The following EPHB4 variants were observed in gnomAD, a reference collection of about 807,000 sequenced individuals.
EPHB4 encodes ephrin type-B receptor 4.
EPHB4 carries 50 observed loss-of-function variants against 110.6 expected under a neutral mutation model. That is an observed-to-expected ratio of 0.45 (90% CI 0.36 to 0.57). The LOEUF is 0.57. Ranked by LOEUF, EPHB4 falls within the 20% of genes least tolerant of loss-of-function variation. The pLI is 0.00. For missense variants in EPHB4, 1,128 were observed against 1,382.1 expected, an observed-to-expected ratio of 0.82 and a Z score of 2.91; for synonymous variants, 592 against 578.4, an observed-to-expected ratio of 1.02 and a Z score of -0.34.
At chr7:100,824,013 G>C (rs1813310433) in intron 2 of EPHB4, 82 bp from the exon 3 acceptor site, 1 of 1,512,152 alleles carries the variant, frequency 6.6e-7, no homozygotes, top group Non-Finnish European at 8.9e-7. Context: ...TAAAGTGAGA[G>C]GGACTGAGAA....
intron 7 of EPHB4, among the ~76,000 whole-genome samples, chr7:100,818,146 C>T (rs920367829): frequency 2.0e-5 from 3 of 152,052 alleles, no homozygotes; most frequent in South Asian, 2.1e-4. Context: ...GGATTACAGG[C>T]GTAAGCTACC....
chr7:100,817,492 G>T, intron 7 of EPHB4, 135 bp from the exon 8 acceptor site: 1 of 937,502 alleles, frequency 1.1e-6, no homozygotes, highest in Non-Finnish European at 1.5e-6. Context: ...GAGAACTTAC[G>T]CATGCAAGCC....
At chr7:100,820,379 C>A in intron 4 of EPHB4, 83 bp from the exon 5 acceptor site, 1 of 1,490,384 alleles carries the variant, frequency 6.7e-7, no homozygotes, top group Non-Finnish European at 8.9e-7. Context: ...GCCTCGAATC[C>A]CAGCACTTTG....
At chr7:100,817,037 G>A (rs1016058604) in intron 8 of EPHB4, among the ~76,000 whole-genome samples, 155 bp downstream of exon 8, 1 of 149,792 alleles carries the variant, frequency 6.7e-6, no homozygotes, top group African/African-American at 2.5e-5. Context: ...GAGCGGAGAT[G>A]GTGCCACTGC....
At chr7:100,826,327 A>G (rs1813395185) in intron 1 of EPHB4, among the ~76,000 whole-genome samples, 1 of 152,210 alleles carries the variant, frequency 6.6e-6, no homozygotes, top group Non-Finnish European at 1.5e-5. Flanking sequence ...CTAGGTCTCA[A>G]GGGAAGCCCG....
chr7:100,820,193 G>A lies in EPHB4; in HGVS notation c.912C>T (p.Cys304=). 2 of 1,614,106 alleles carry A rather than the reference G, an allele frequency of 1.2e-6. No homozygotes were observed. Among genetic ancestry groups the A allele is most frequent in the Non-Finnish European group, 1.7e-6 (2 of 1,180,024 alleles). Residue 304 remains cysteine, a synonymous_variant, in exon 5 of 17, where the codon TGC becomes TGT. Coordinates refer to ENST00000358173, the MANE Select transcript of EPHB4 (RefSeq NM_004444.5). Reference sequence around the variant, plus strand: ...TGCGTGCCCGGAAGTACCCGACGCGGCACTGGCAGACGGCTGATCCAATGG... The same window carrying A: ...TGCGTGCCCGGAAGTACCCGACGCGACACTGGCAGACGGCTGATCCAATGG... ...SNTIGSAVCQ[C]RVGYFRARTD...
chr7:100,816,453 C>G (rs1049547528), intron 8 of EPHB4, among the ~76,000 whole-genome samples: 5 of 151,782 alleles, frequency 3.3e-5, no homozygotes, highest in Non-Finnish European at 5.9e-5. Context: ...CCTGCCTCAG[C>G]CTCCCGAGTA....
At chr7:100,817,520 T>C (rs1402787565) in intron 7 of EPHB4, among the ~76,000 whole-genome samples, 163 bp from the exon 8 acceptor site, 1 of 152,168 alleles carries the variant, frequency 6.6e-6, no homozygotes, top group East Asian at 1.9e-4. Context: ...GTATTCATAA[T>C]ATCATTCCTT....
chr7:100,811,370 C>G (rs1388646228), intron 12 of EPHB4, among the ~76,000 whole-genome samples: 1 of 151,362 alleles, frequency 6.6e-6, no homozygotes, highest in Non-Finnish European at 1.5e-5. Context: ...CATGAAGGAC[C>G]CCGTTTGCTT....
chr7:100,815,633 G>A (rs1813048735), intron 8 of EPHB4, among the ~76,000 whole-genome samples: 1 of 152,198 alleles, frequency 6.6e-6, no homozygotes, highest in Admixed American at 6.5e-5. Flanking sequence ...CAGGCAAATT[G>A]TATGGCAGGG....
chr7:100,804,308 CTTTTTTT>C lies in EPHB4; in HGVS notation c.2835-725_2835-719del, dbSNP rs11338293. 8.5e-3 allele frequency among the ~76,000 whole-genome samples: 611 copies of C among 71,650 alleles called. 2 individuals carry two copies. The highest frequency in any genetic ancestry group is 0.024 in the Middle Eastern group (2 of 84). The allele number at this position is 71,650 out of a possible 152,430, so 47.0% of individuals were successfully genotyped here. On this transcript the variant is annotated intron_variant, in intron 16 of 16. Transcript: ENST00000358173. ...GAGCCACCACCTGGCCTTCACATTT[CTTTTTTT>C]TTTTTTTTTTTTTTTTTGAGATGGA...
In EPHB4 at chr7:100,825,823, G is replaced by C. The variant is rs893066209; in HGVS notation, c.52+1156C>G. Among the ~76,000 whole-genome samples, 5 of 152,262 alleles carry C rather than the reference G, an allele frequency of 3.3e-5. No homozygotes were observed. In the East Asian group the frequency reaches 7.7e-4, roughly 23 times the overall value. The stretch of plus-strand genomic sequence containing the variant: ...GTCACAATCACCATTTCCTCTTTGC[G>C]TCTTTCCTTCTCACCACACCTCGTC... On this transcript the variant is annotated intron_variant, in intron 1 of 16. Transcript: ENST00000358173.
chr7:100,820,420 A>G (rs935978266), intron 4 of EPHB4, 124 bp from the exon 5 acceptor site: 14 of 1,219,988 alleles, frequency 1.1e-5, no homozygotes, highest in Non-Finnish European at 1.4e-5. Flanking sequence ...CGCTTGAGCC[A>G]AGGGGTTCAA....
In EPHB4 at chr7:100,823,683, C is replaced by T. The variant is rs202126100; in HGVS notation, c.372G>A (p.Thr124=). The T allele has an allele frequency of 3.3e-5, 53 of 1,613,420 alleles. No homozygotes were observed. The highest frequency in any genetic ancestry group is 1.6e-4 in the Middle Eastern group (1 of 6,062). The change falls in exon 3 of 17, where the codon ACG becomes ACA. Residue 124 remains threonine (T), a synonymous_variant. Transcript: ENST00000358173. ...TCTCCATCCAGGCTGGCGTGAGGGC[C>T]GTGGCCGTGTCCGCATCGCTCTCAT... The part of the protein sequence containing the change: ...FYYESDADTA[T]ALTPAWMENP...
At chr7:100,811,946 C>A (rs1812944809) in intron 12 of EPHB4, among the ~76,000 whole-genome samples, 1 of 150,424 alleles carries the variant, frequency 6.6e-6, no homozygotes, top group South Asian at 2.1e-4. Context: ...CCGAGGCAGG[C>A]GGATCACCTG....
At chr7:100,818,147 G>A (rs543431165) in intron 7 of EPHB4, among the ~76,000 whole-genome samples, 3 of 152,080 alleles carry the variant, frequency 2.0e-5, no homozygotes, top group South Asian at 4.2e-4. Context: ...GATTACAGGC[G>A]TAAGCTACCG....
chr7:100,827,458 G>A lies in EPHB4; in HGVS notation c.-428C>T, dbSNP rs2116476306. On this transcript the variant is annotated 5_prime_UTR_variant, in exon 1 of 17. Transcript: ENST00000358173. Reference sequence around the variant, plus strand: ...GAGCCCGAGCGGGGACGGAGCGGGAGGGAGGGAGACTGCGGCGCGGAGCCG... The same window carrying A: ...GAGCCCGAGCGGGGACGGAGCGGGAAGGAGGGAGACTGCGGCGCGGAGCCG... 1 of 151,320 alleles carries A rather than the reference G, an allele frequency of 6.6e-6. No individual in the cohort carries two copies. Among genetic ancestry groups the A allele is most frequent in the Admixed American group, 6.6e-5 (1 of 15,150 alleles). The allele number at this position is 151,320 out of a possible 1,614,324, so 9.4% of individuals were successfully genotyped here. A position where few individuals can be genotyped will look rare whatever the true frequency, so the allele number is the denominator to read the frequency against.
chr7:100,813,564 C>T lies in EPHB4; in HGVS notation c.1756+88G>A, dbSNP rs1215801686. 4.8e-6 allele frequency: 7 copies of T among 1,450,106 alleles called. No homozygotes were observed. The African/African-American group carries it at 8.4e-5, about 17-fold the overall frequency. 89.8% of individuals were successfully genotyped at this position (1,450,106 alleles called of 1,614,324 possible). ...CTCCTGACCTCAAGTGATCTGCCCA[C>T]CTCTGCCTCCCAAAGTGCTGGGATT... On this transcript the variant is annotated intron_variant, in intron 10 of 16. Coordinates refer to ENST00000358173, the MANE Select transcript of EPHB4 (RefSeq NM_004444.5).
chr7:100,819,586 T>A lies in EPHB4; in HGVS notation c.1268A>T (p.Glu423Val). The change falls in exon 6 of 17, where the codon GAG becomes GTG. Residue 423 changes from glutamate to valine, a missense_variant. Around this residue, in one of 3 missense-constraint regions of EPHB4, gnomAD observed 728 missense variants for 828.6 expected, o/e 0.88. Coordinates refer to ENST00000358173, the MANE Select transcript of EPHB4 (RefSeq NM_004444.5). Reference sequence around the variant, plus strand: ...TCGGTCAGTGGTGACATTGACAGGCTCAAATGGGACGGGCCCCGTGGCTAA... The same window carrying A: ...TCGGTCAGTGGTGACATTGACAGGCACAAATGGGACGGGCCCCGTGGCTAA... Reference protein sequence around the residue: ...SSLATGPVPFEPVNVTTDREV... With the variant: ...SSLATGPVPFVPVNVTTDREV... The A allele has an allele frequency of 6.3e-7, 1 of 1,579,850 alleles. No individual in the cohort carries two copies.
Sources: gnomAD v4.1 joint callset for allele counts (sites outside exome capture counted in the v4.1 genomes callset) on GRCh38, gnomAD v4.1.1 for gene constraint, gnomAD v4.1.1 regional missense constraint, MANE v1.5 for transcripts, NCBI Gene and HGNC (gene_info 2026-07-23, HGNC 2026-07-21) for gene names.